The following RASGRF2 variants were observed in gnomAD, a reference collection of about 807,000 sequenced individuals.
The protein encoded by RASGRF2 is ras-specific guanine nucleotide-releasing factor 2.
RASGRF2 carries 76 observed loss-of-function variants against 151.0 expected under a neutral mutation model. The observed-to-expected ratio is 0.50, with a 90% CI of 0.42 to 0.61. The LOEUF is 0.61. Ranked by LOEUF, RASGRF2 falls within the 20% of genes least tolerant of loss-of-function variation. The pLI is 0.00. For synonymous variants in RASGRF2, 504 were observed against 566.5 expected, an observed-to-expected ratio of 0.89 and a Z score of 1.57; for missense variants, 1,148 against 1,564.6, an observed-to-expected ratio of 0.73 and a Z score of 4.49.
At chr5:81,099,907 C>CT (rs577876645) in intron 12 of RASGRF2, among the ~76,000 whole-genome samples, 22,085 of 124,828 alleles carry the variant, frequency 0.18, 2,486 homozygotes, top group Admixed American at 0.24. Context: ...TTTCTTTTTT[C>CT]TTTTTTTTTT....
At position 81,201,229 on chromosome 5, in the gene RASGRF2, A is replaced by G. The variant is rs1244193641; in HGVS notation, c.2794-101A>G. ...CTAGGGTCCATACATTTTAATTTCC[A>G]TACCTAGCTTCTAGAGAATTTATCA... On this transcript the variant is annotated intron_variant, in intron 18 of 26. Transcript: ENST00000265080. The G allele has an allele frequency of 7.5e-6, 11 of 1,474,694 alleles. No homozygotes were observed. The African/African-American group carries it at 1.4e-4, about 19-fold the overall frequency. 91.4% of individuals were successfully genotyped at this position (1,474,694 alleles called of 1,614,324 possible). A position where few individuals can be genotyped will look rare whatever the true frequency, so the allele number is the denominator to read the frequency against.
At chr5:81,124,941 A>G (rs548031258) in intron 16 of RASGRF2, among the ~76,000 whole-genome samples, 2 of 151,944 alleles carry the variant, frequency 1.3e-5, no homozygotes, top group African/African-American at 4.8e-5. Flanking sequence ...AGGCTGGAGT[A>G]CAGTGGTGCA....
chr5:81,141,886 A>C (rs189977008), intron 17 of RASGRF2, among the ~76,000 whole-genome samples: 1 of 152,188 alleles, frequency 6.6e-6, no homozygotes, highest in African/African-American at 2.4e-5. Context: ...TAGAGGAAGC[A>C]TGTATTTCTG....
chr5:81,031,735 A>G (rs962022595), intron 1 of RASGRF2, among the ~76,000 whole-genome samples: 3 of 152,246 alleles, frequency 2.0e-5, no homozygotes, highest in Non-Finnish European at 2.9e-5. Flanking sequence ...TCACAATTAA[A>G]AGAACTAGAG....
At position 81,131,482 on chromosome 5, in the gene RASGRF2, G is replaced by C. The variant is rs376308419; in HGVS notation, c.2686+4319G>C. Among the ~76,000 whole-genome samples the C allele has an allele frequency of 2.1e-4, 32 of 152,230 alleles. No homozygotes were observed. In the South Asian group the frequency reaches 6.2e-3, roughly 30 times the overall value. The stretch of plus-strand genomic sequence containing the variant: ...CGATTCTCCTGTCTCAGCCTCCCAA[G>C]TAGCTGGGACTACAGGTGTGTGCCA... On this transcript the variant is annotated intron_variant, in intron 17 of 26. Coordinates refer to ENST00000265080, the MANE Select transcript of RASGRF2 (RefSeq NM_006909.3).
At chr5:80,980,193 T>G (rs1010508869) in intron 1 of RASGRF2, among the ~76,000 whole-genome samples, 1 of 152,218 alleles carries the variant, frequency 6.6e-6, no homozygotes, top group African/African-American at 2.4e-5. Context: ...CTACTTTACT[T>G]TACTGTTGGT....
At chr5:80,995,236 A>T (rs866112136) in intron 1 of RASGRF2, among the ~76,000 whole-genome samples, 1 of 142,782 alleles carries the variant, frequency 7.0e-6, no homozygotes, top group Non-Finnish European at 1.5e-5. Context: ...AGCCTGGGCG[A>T]TAGAGCCAGA....
At chr5:80,976,942 G>C (rs1041228703) in intron 1 of RASGRF2, among the ~76,000 whole-genome samples, 1 of 152,206 alleles carries the variant, frequency 6.6e-6, no homozygotes, top group African/African-American at 2.4e-5. Flanking sequence ...GCCATTCACT[G>C]TGTGCGTAAT....
chr5:80,974,016 T>C (rs2112223659), intron 1 of RASGRF2, among the ~76,000 whole-genome samples: 1 of 152,304 alleles, frequency 6.6e-6, no homozygotes, highest in African/African-American at 2.4e-5. Context: ...TAGTGGGTAA[T>C]GCTCCTTGCA....
chr5:81,126,155 C>T (rs1046249501), intron 16 of RASGRF2, among the ~76,000 whole-genome samples: 10 of 152,194 alleles, frequency 6.6e-5, no homozygotes, highest in African/African-American at 4.8e-5. Context: ...AAAGCCTGAG[C>T]GAGGAGAAGC....
At chr5:80,975,712 G>T (rs1270176623) in intron 1 of RASGRF2, among the ~76,000 whole-genome samples, 1 of 152,064 alleles carries the variant, frequency 6.6e-6, no homozygotes, top group African/African-American at 2.4e-5. Flanking sequence ...TATTTTGAGG[G>T]TACCAAGCTG....
At chr5:81,094,620 A>AG (rs1752491871) in intron 11 of RASGRF2, among the ~76,000 whole-genome samples, 1 of 152,180 alleles carries the variant, frequency 6.6e-6, no homozygotes, top group Non-Finnish European at 1.5e-5. Context: ...TTTAAAAAAA[A>AG]CTATGAAATC....
At chr5:81,175,004 C>T (rs957206151) in intron 17 of RASGRF2, among the ~76,000 whole-genome samples, 4 of 152,186 alleles carry the variant, frequency 2.6e-5, no homozygotes, top group African/African-American at 9.7e-5. Context: ...AAGGCTTACA[C>T]TTTGGATCCT....
At chr5:81,124,528 A>G (rs1753399343) in intron 16 of RASGRF2, among the ~76,000 whole-genome samples, 1 of 152,160 alleles carries the variant, frequency 6.6e-6, no homozygotes, top group Non-Finnish European at 1.5e-5. Context: ...AGACCCTATT[A>G]ATAATATTAT....
At chr5:80,983,973 G>GCC (rs1748395832) in intron 1 of RASGRF2, among the ~76,000 whole-genome samples, 2 of 152,300 alleles carry the variant, frequency 1.3e-5, no homozygotes, top group Admixed American at 1.3e-4. Context: ...GTCCAGTGCT[G>GCC]ATCTATAATA....
chr5:81,079,031 C>T (rs530043719), intron 5 of RASGRF2, among the ~76,000 whole-genome samples: 1 of 152,358 alleles, frequency 6.6e-6, no homozygotes, highest in East Asian at 1.9e-4. Context: ...AAAGCACTCA[C>T]ATCGCCATGA....
intron 18 of RASGRF2, among the ~76,000 whole-genome samples, chr5:81,188,166 C>A (rs1290804976): frequency 2.0e-5 from 3 of 152,172 alleles, no homozygotes; most frequent in Non-Finnish European, 4.4e-5. Flanking sequence ...GTCAGTTGGC[C>A]ACAGGGTACT....
intron 1 of RASGRF2, among the ~76,000 whole-genome samples, chr5:81,014,532 C>T (rs2112322473): frequency 6.6e-6 from 1 of 152,290 alleles, no homozygotes; most frequent in South Asian, 2.1e-4. Context: ...CCCACTAGGT[C>T]CCTCCCACAA....
chr5:81,209,548 T>C (rs1217376457), intron 22 of RASGRF2, among the ~76,000 whole-genome samples: 1 of 152,208 alleles, frequency 6.6e-6, no homozygotes, highest in African/African-American at 2.4e-5. Flanking sequence ...CATGCAGGCT[T>C]TCCCCAAAGC....
Sources: gnomAD v4.1 joint callset for allele counts (sites outside exome capture counted in the v4.1 genomes callset) on GRCh38, gnomAD v4.1.1 for gene constraint, MANE v1.5 for transcripts, NCBI Gene and HGNC (gene_info 2026-07-23, HGNC 2026-07-21) for gene names.